PTPRN2: variants seen among roughly 807,000 people sequenced by gnomAD.
PTPRN2 encodes protein tyrosine phosphatase receptor type N2.
PTPRN2 carries 74 observed loss-of-function variants against 118.8 expected under a neutral mutation model. That is an observed-to-expected ratio of 0.62 (90% CI 0.52 to 0.76). The LOEUF (loss-of-function observed/expected upper bound fraction) is 0.76, where lower values mean the gene tolerates loss of function less well. Among genes scored for constraint, PTPRN2 ranks in the 30% least tolerant of loss-of-function variants. The pLI is 0.00. For synonymous variants in PTPRN2, 641 were observed against 608.0 expected, an observed-to-expected ratio of 1.05 and a Z score of -0.80; for missense variants, 1,481 against 1,394.4, an observed-to-expected ratio of 1.06 and a Z score of -0.99.
intron 6 of PTPRN2, among the ~76,000 whole-genome samples, chr7:158,150,241 G>C (rs908510476): frequency 6.6e-6 from 1 of 152,214 alleles, no homozygotes; most frequent in Non-Finnish European, 1.5e-5. Flanking sequence ...AAAATAGATG[G>C]ATGTATTCAT....
rs1015282245 is a variant in PTPRN2 at position 157,583,417 on chromosome 7, TAA to T, written c.2497-5279_2497-5278del. The stretch of plus-strand genomic sequence containing the variant: ...CATTCAGCATGGTGACTGTAGTTAA[TAA>T]GAGTGTTGGGCACAGAGATTTGCCA... On this transcript the variant is annotated intron_variant, in intron 17 of 22. Transcript: ENST00000389418. The surrounding 1 kb of genome is among the most constrained non-coding windows in gnomAD (Gnocchi z 5.5). Among the ~76,000 whole-genome samples, 1 of 152,106 alleles carries T rather than the reference TAA, an allele frequency of 6.6e-6. No individual in the cohort carries two copies. Among genetic ancestry groups the T allele is most frequent in the African/African-American group, 2.4e-5 (1 of 41,418 alleles).
At chr7:158,514,053 T>C (rs1022632216) in intron 1 of PTPRN2, among the ~76,000 whole-genome samples, 2 of 152,204 alleles carry the variant, frequency 1.3e-5, no homozygotes, top group African/African-American at 2.4e-5. Flanking sequence ...CCCAGCACTC[T>C]GCATCAACAC....
chr7:158,319,509 C>CTCCCTCA (rs1563131603), intron 2 of PTPRN2, among the ~76,000 whole-genome samples: 1 of 37,084 alleles, frequency 2.7e-5, no homozygotes, highest in African/African-American at 1.3e-4. Flanking sequence ...CAGCCTCCCC[C>CTCCCTCA]CACACACACA....
intron 11 of PTPRN2, among the ~76,000 whole-genome samples, chr7:158,046,890 C>T (rs933688488): frequency 1.2e-4 from 18 of 152,284 alleles, no homozygotes; most frequent in Middle Eastern, 6.8e-3. Flanking sequence ...GCACCAGTTC[C>T]GCCCACTCAC....
intron 3 of PTPRN2, among the ~76,000 whole-genome samples, chr7:158,289,179 CT>C (rs1395993837): frequency 1.3e-5 from 2 of 152,162 alleles, no homozygotes; most frequent in Non-Finnish European, 2.9e-5. Flanking sequence ...TAATCGGAGA[CT>C]TTTGATCTTC....
At chr7:158,522,535 G>T (rs1234669158) in intron 1 of PTPRN2, among the ~76,000 whole-genome samples, 1 of 151,628 alleles carries the variant, frequency 6.6e-6, no homozygotes, top group African/African-American at 2.4e-5. Context: ...GATGGTGCAT[G>T]TGCAGGGTGT....
chr7:157,615,703 T>A lies in PTPRN2; in HGVS notation c.2344+5659A>T, dbSNP rs1386775705. Reference sequence around the variant, plus strand: ...ATAAAACGAGCAGATGGTGCCGAGCTGAGAGGGAGGTGACGCAGTGACTCA... The same window carrying A: ...ATAAAACGAGCAGATGGTGCCGAGCAGAGAGGGAGGTGACGCAGTGACTCA... On this transcript the variant is annotated intron_variant, in intron 15 of 22. Coordinates refer to ENST00000389418, the MANE Select transcript of PTPRN2 (RefSeq NM_002847.5). The surrounding 1 kb of genome is among the most constrained non-coding windows in gnomAD (Gnocchi z 4.3). The A allele has an allele frequency of 2.3e-6, 1 of 433,770 alleles. No individual in the cohort carries two copies. The highest frequency in any genetic ancestry group is 7.2e-5 in the East Asian group (1 of 13,924). The allele number at this position is 433,770 out of a possible 1,614,324, so 26.9% of individuals were successfully genotyped here.
rs1803558801 is a variant in PTPRN2, at chr7:157,779,686, C to G, written c.1789-96749G>C. Among the ~76,000 whole-genome samples, 1 of 152,190 alleles carries G rather than the reference C, an allele frequency of 6.6e-6. No individual in the cohort carries two copies. Among genetic ancestry groups the G allele is most frequent in the South Asian group, 2.1e-4 (1 of 4,826 alleles). On this transcript the variant is annotated intron_variant, in intron 12 of 22. Transcript: ENST00000389418. The surrounding 1 kb of genome is among the most constrained non-coding windows in gnomAD (Gnocchi z 4.7). The stretch of plus-strand genomic sequence containing the variant: ...GGCCAGGACGAGCTGGGGTGAGGGG[C>G]CCCGGCCAGAAGGATGTCCTGATGA...
intron 12 of PTPRN2, among the ~76,000 whole-genome samples, chr7:157,853,307 G>A (rs1036841642): frequency 7.2e-5 from 11 of 152,174 alleles, no homozygotes; most frequent in Non-Finnish European, 1.6e-4. Flanking sequence ...GTGGCATGGG[G>A]TAACTTCAGA....
intron 3 of PTPRN2, among the ~76,000 whole-genome samples, chr7:158,273,192 C>G (rs1384908605): frequency 6.6e-6 from 1 of 152,176 alleles, no homozygotes; most frequent in African/African-American, 2.4e-5. Context: ...CCTCCTAGGA[C>G]AGGGCACGTG....
intron 11 of PTPRN2, among the ~76,000 whole-genome samples, chr7:158,018,990 A>AAGAGAG (rs1484584901): frequency 1.7e-4 from 26 of 149,798 alleles, no homozygotes; most frequent in African/African-American, 5.9e-4. Flanking sequence ...AAAAAAAAAA[A>AAGAGAG]AGAGAATATA....
intron 9 of PTPRN2, among the ~76,000 whole-genome samples, chr7:158,116,761 G>A (rs895224403): frequency 5.3e-5 from 8 of 151,990 alleles, no homozygotes; most frequent in East Asian, 1.9e-4. Flanking sequence ...CTCTTTTTCC[G>A]CTTTTGGGAG....
chr7:158,580,762 T>G (rs1223171691), intron 1 of PTPRN2, among the ~76,000 whole-genome samples: 1 of 152,216 alleles, frequency 6.6e-6, no homozygotes, highest in Non-Finnish European at 1.5e-5. Flanking sequence ...CACCACGTTT[T>G]TAAAAACCTG....
intron 11 of PTPRN2, among the ~76,000 whole-genome samples, chr7:157,981,514 A>G (rs1402496045): frequency 1.3e-5 from 2 of 152,242 alleles, no homozygotes; most frequent in East Asian, 3.9e-4. Context: ...AGTAAAAACA[A>G]TAGTTTCTTT....
rs2878536 is a variant in PTPRN2 at position 158,176,737 on chromosome 7, C to T, written c.550-9446G>A. Among the ~76,000 whole-genome samples, 251 of 152,334 alleles carry T rather than the reference C, an allele frequency of 1.6e-3. 1 individual carries two copies. Among genetic ancestry groups the T allele is most frequent in the African/African-American group, 5.8e-3 (241 of 41,590 alleles). On this transcript the variant is annotated intron_variant, in intron 5 of 22. Transcript: ENST00000389418. Reference sequence around the variant, plus strand: ...TATGCTGGGAGCAGAACACCATGCCCTGGGGCCAATTTTCCACCAGAGCTC... The same window carrying T: ...TATGCTGGGAGCAGAACACCATGCCTTGGGGCCAATTTTCCACCAGAGCTC...
At chr7:158,537,148 C>G (rs1825693908) in intron 1 of PTPRN2, among the ~76,000 whole-genome samples, 1 of 152,176 alleles carries the variant, frequency 6.6e-6, no homozygotes, top group Admixed American at 6.5e-5. Context: ...AGTCTGCTGG[C>G]ACCTTGACCC....
Position 157,922,381 on chromosome 7 carries a change from G to C in PTPRN2, c.1724-23644C>G, listed in dbSNP as rs555507094. ...AACAGAGTGCGTGGAAAGGGAAATG[G>C]GGGTCTGGGTCTCAGTCCTGCAGTC... is the stretch of plus-strand genomic sequence containing the variant. On this transcript the variant is annotated intron_variant, in intron 11 of 22. Transcript: ENST00000389418. Among the ~76,000 whole-genome samples, 4 of 152,300 alleles carry C rather than the reference G, an allele frequency of 2.6e-5. No homozygotes were observed. In the East Asian group the frequency reaches 5.8e-4, roughly 22 times the overall value.
intron 6 of PTPRN2, among the ~76,000 whole-genome samples, chr7:158,155,712 ACACCATCATCACCATCACCATCAT>A (rs1228567289): frequency 2.8e-5 from 3 of 106,228 alleles, no homozygotes; most frequent in Non-Finnish European, 5.6e-5. Context: ...ATCACCGTCA[ACACCATCATCACCATCACCATCAT>A]CACCATCATC....
intron 6 of PTPRN2, among the ~76,000 whole-genome samples, chr7:158,163,979 T>C (rs1822630519): frequency 6.6e-6 from 1 of 152,258 alleles, no homozygotes; most frequent in Non-Finnish European, 1.5e-5. Context: ...ATGAGGCTTT[T>C]CTAAAGCGCA....
Sources: gnomAD v4.1 joint callset for allele counts (sites outside exome capture counted in the v4.1 genomes callset) on GRCh38, gnomAD v4.1.1 for gene constraint, Gnocchi (gnomAD v3.1) non-coding constraint, MANE v1.5 for transcripts, NCBI Gene and HGNC (gene_info 2026-07-23, HGNC 2026-07-21) for gene names.